CD48: variants seen among roughly 807,000 people sequenced by gnomAD.
CD48 encodes the protein CD48 molecule, also known as CD48 antigen.
In CD48, 20 loss-of-function variants were observed where a neutral mutation model predicts 22.0. That is an observed-to-expected ratio of 0.91 (90% confidence interval 0.64 to 1.32). The LOEUF (loss-of-function observed/expected upper bound fraction) is 1.32, where lower values mean the gene tolerates loss of function less well. Among genes scored for constraint, CD48 ranks in the 40% most tolerant of loss-of-function variants. The probability of loss-of-function intolerance (pLI) is 0.00; values close to 1 mark genes in which losing one functional copy is unlikely to be tolerated. For missense variants in CD48, 307 were observed against 286.5 expected (o/e 1.07, Z -0.52); for synonymous variants, 110 against 110.1 (o/e 1.00, Z 0.01).
chr1:160,700,670 C>T (rs1008400747), intron 1 of CD48, among the ~76,000 whole-genome samples: 1 of 152,070 alleles, frequency 6.6e-6, no homozygotes, highest in East Asian at 1.9e-4. Context: ...AGATTGGAAT[C>T]TCCCCGCAAC....
chr1:160,698,748 A>G (rs1662520548), intron 1 of CD48, among the ~76,000 whole-genome samples: 1 of 152,076 alleles, frequency 6.6e-6, no homozygotes, highest in African/African-American at 2.4e-5. Context: ...AGAGAAGATA[A>G]TCTCACTTTA....
At chr1:160,701,171 A>G (rs904882914) in intron 1 of CD48, among the ~76,000 whole-genome samples, 5 of 61,834 alleles carry the variant, frequency 8.1e-5, no homozygotes, top group African/African-American at 2.3e-4. Flanking sequence ...TATGTAAAGC[A>G]ATATAAAAAA....
intron 1 of CD48, among the ~76,000 whole-genome samples, chr1:160,707,922 T>C (rs1301068134): frequency 7.9e-5 from 12 of 152,214 alleles, no homozygotes; most frequent in Non-Finnish European, 1.6e-4. Context: ...TGCTTGGCTC[T>C]GTAAGGGTGC....
At chr1:160,707,012 T>C (rs970528537) in intron 1 of CD48, among the ~76,000 whole-genome samples, 3 of 151,948 alleles carry the variant, frequency 2.0e-5, no homozygotes, top group Non-Finnish European at 4.4e-5. Flanking sequence ...AGAAGATGAG[T>C]GTTAAGGATG....
intron 1 of CD48, among the ~76,000 whole-genome samples, chr1:160,704,337 A>G (rs956416426): frequency 3.3e-5 from 5 of 152,186 alleles, no homozygotes; most frequent in Non-Finnish European, 5.9e-5. Flanking sequence ...CATCTCAGTT[A>G]TGGGCATTTT....
At chr1:160,684,427 G>A (rs1661914886) in intron 2 of CD48, 1 of 293,072 alleles carries the variant, frequency 3.4e-6, no homozygotes, top group Admixed American at 4.9e-5. Flanking sequence ...ACACTGGTTA[G>A]ACTGGAGCTA....
At chr1:160,697,785 A>G (rs1662485022) in intron 1 of CD48, among the ~76,000 whole-genome samples, 1 of 152,062 alleles carries the variant, frequency 6.6e-6, no homozygotes, top group South Asian at 2.1e-4. Context: ...ACTATTATAG[A>G]TTGGGCACCT....
chr1:160,709,745 A>G (rs1348545208), intron 1 of CD48, among the ~76,000 whole-genome samples: 1 of 152,220 alleles, frequency 6.6e-6, no homozygotes, highest in Non-Finnish European at 1.5e-5. Context: ...ATGGATGTGT[A>G]GTCCAAAAGG....
chr1:160,710,813 A>G (rs550846337), intron 1 of CD48, among the ~76,000 whole-genome samples: 1 of 152,364 alleles, frequency 6.6e-6, no homozygotes, highest in South Asian at 2.1e-4. Context: ...GTTACAAACT[A>G]TCATCATTTT....
chr1:160,695,110 C>T lies in CD48; in HGVS notation c.83-9921G>A, dbSNP rs904216202. Among the ~76,000 whole-genome samples, 13 of 152,284 alleles carry T rather than the reference C, an allele frequency of 8.5e-5. No individual in the cohort carries two copies. In the East Asian group the frequency reaches 2.5e-3, roughly 29 times the overall value. On this transcript the variant is annotated intron_variant, in intron 1 of 3. Transcript: ENST00000368046. ...TCTAAAGGACTGCTTTTTTACCATC[C>T]CTCTGGCAGAGCAGGATTGTGAAAA...
chr1:160,709,422 T>C (rs1043652384), intron 1 of CD48, among the ~76,000 whole-genome samples: 1 of 152,216 alleles, frequency 6.6e-6, no homozygotes, highest in Non-Finnish European at 1.5e-5. Flanking sequence ...ATACCCATTA[T>C]GGAGCTGAGG....
rs116673185 is a variant in CD48 at position 160,702,383 on chromosome 1, G to A, written c.82+9299C>T. Among the ~76,000 whole-genome samples the A allele has an allele frequency of 8.1e-3, 1,240 of 152,204 alleles. 18 individuals carry two copies. The highest frequency in any genetic ancestry group is 0.029 in the African/African-American group (1,185 of 41,508). On this transcript the variant is annotated intron_variant, in intron 1 of 3. Coordinates refer to ENST00000368046, the MANE Select transcript of CD48 (RefSeq NM_001778.4). ...TGTAGGTAGATTTGTTTGTGCTGGG[G>A]GTTGCACTGGGACTGCCTGAAGTGG... is the stretch of plus-strand genomic sequence containing the variant.
chr1:160,690,861 T>C (rs1023968580), intron 1 of CD48, among the ~76,000 whole-genome samples: 1 of 152,196 alleles, frequency 6.6e-6, no homozygotes, highest in African/African-American at 2.4e-5. Flanking sequence ...CTCCATTTTG[T>C]TCTGTACTAA....
chr1:160,682,457 CAAAAAAAA>C (rs71579678), intron 2 of CD48, among the ~76,000 whole-genome samples: 2 of 53,280 alleles, frequency 3.8e-5, no homozygotes, highest in Non-Finnish European at 8.0e-5. Context: ...AGAAGACCTT[CAAAAAAAA>C]AAAAAAAAGA....
intron 1 of CD48, among the ~76,000 whole-genome samples, chr1:160,707,947 G>T (rs910492277): frequency 6.6e-6 from 1 of 152,126 alleles, no homozygotes; most frequent in Non-Finnish European, 1.5e-5. Flanking sequence ...GATAGATGTG[G>T]CTCCTTCCCT....
rs536671492 is a variant in CD48, at chr1:160,705,538, G to C, written c.82+6144C>G. Reference sequence around the variant, plus strand: ...AATGGATTACATGAATACAGTCATCGCACAACCACAACATGCCTGGCGCTG... The same window carrying C: ...AATGGATTACATGAATACAGTCATCCCACAACCACAACATGCCTGGCGCTG... On this transcript the variant is annotated intron_variant, in intron 1 of 3. Transcript: ENST00000368046. Among the ~76,000 whole-genome samples, 597 of 152,270 alleles carry C rather than the reference G, an allele frequency of 3.9e-3. 5 individuals carry two copies. Among genetic ancestry groups the C allele is most frequent in the African/African-American group, 0.013 (553 of 41,544 alleles).
At chr1:160,704,182 C>T (rs1662722633) in intron 1 of CD48, among the ~76,000 whole-genome samples, 1 of 152,194 alleles carries the variant, frequency 6.6e-6, no homozygotes, top group Non-Finnish European at 1.5e-5. Context: ...GAAGCTGAAG[C>T]TTCAGGGCTT....
At chr1:160,697,603 G>A (rs1228526281) in intron 1 of CD48, among the ~76,000 whole-genome samples, 1 of 149,678 alleles carries the variant, frequency 6.7e-6, no homozygotes, top group Non-Finnish European at 1.5e-5. Context: ...TGTCACTCAG[G>A]CCACGGGTAA....
At position 160,681,475 on chromosome 1, in the gene CD48, G is replaced by C. The variant is rs1474312451; in HGVS notation, c.386-7C>G. ...ACAGGCTTGGGTACAGGGTCTGAAA[G>C]TGAGGAGGATGTTATAAGATGAGAC... is the stretch of plus-strand genomic sequence containing the variant. On this transcript the variant is annotated splice_polypyrimidine_tract_variant and splice_region_variant and intron_variant, in intron 2 of 3. Transcript: ENST00000368046. 1.2e-6 allele frequency: 2 copies of C among 1,612,932 alleles called. No homozygotes were observed. The highest frequency in any genetic ancestry group is 1.7e-6 in the Non-Finnish European group (2 of 1,179,298).
Sources: allele counts gnomAD v4.1 joint callset (sites outside exome capture counted in the v4.1 genomes callset), GRCh38; gene constraint gnomAD v4.1.1; transcripts MANE v1.5; gene names NCBI Gene and HGNC (gene_info 2026-07-23, HGNC 2026-07-21).